SCARB1: variants seen among roughly 807,000 people sequenced by gnomAD.
SCARB1 encodes the protein scavenger receptor class B member 1.
Under a neutral mutation model 57.2 loss-of-function variants are expected in SCARB1, and 30 were observed. That is an observed-to-expected ratio of 0.52 (90% CI 0.39 to 0.71). SCARB1 has a LOEUF of 0.71. SCARB1 is among the 30% of genes least tolerant of loss of function. SCARB1 has a pLI of 0.00. For missense variants in SCARB1, 543 were observed against 671.2 expected (o/e 0.81, Z 2.11); for synonymous variants, 249 against 268.3 (o/e 0.93, Z 0.70).
intron 1 of SCARB1, among the ~76,000 whole-genome samples, chr12:124,849,898 T>A (rs937664234): frequency 1.5e-5 from 1 of 64,526 alleles, no homozygotes; most frequent in Non-Finnish European, 3.7e-5. Flanking sequence ...CCCCTGTCTC[T>A]ACAAAAAATC....
Position 124,863,783 on chromosome 12 carries a change from G to T in SCARB1, c.-63C>A. 2 of 1,389,068 alleles carry T rather than the reference G, an allele frequency of 1.4e-6. No homozygotes were observed. Among genetic ancestry groups the T allele is most frequent in the South Asian group, 3.3e-5 (2 of 60,136 alleles). 86.0% of individuals were successfully genotyped at this position (1,389,068 alleles called of 1,614,324 possible). The stretch of plus-strand genomic sequence containing the variant: ...TCCGCGCCTGGCAGGAGACGGGGAC[G>T]GCGACAGAGACGACACAGGCGGGGA... On this transcript the variant is annotated 5_prime_UTR_variant, in exon 1 of 13. Coordinates refer to ENST00000261693, the MANE Select transcript of SCARB1 (RefSeq NM_005505.5).
At position 124,810,377 on chromosome 12, in the gene SCARB1, G is replaced by A. The variant is rs1950478448; in HGVS notation, c.727-88C>T. 5.6e-6 allele frequency: 5 copies of A among 899,762 alleles called. No individual in the cohort carries two copies. The highest frequency in any genetic ancestry group is 9.3e-6 in the Non-Finnish European group (5 of 539,498). 55.7% of individuals were successfully genotyped at this position (899,762 alleles called of 1,614,324 possible). On this transcript the variant is annotated intron_variant, in intron 5 of 12. Coordinates refer to ENST00000261693, the MANE Select transcript of SCARB1 (RefSeq NM_005505.5). The surrounding 1 kb of genome is among the most constrained non-coding windows in gnomAD (Gnocchi z 4.0). Reference sequence around the variant, plus strand: ...AGGTGCTGCACACCTAACTCACCCTGGTGCACGCACGGCCACTCAATTCCC... The same window carrying A: ...AGGTGCTGCACACCTAACTCACCCTAGTGCACGCACGGCCACTCAATTCCC...
chr12:124,846,110 A>G (rs971210398), intron 1 of SCARB1, among the ~76,000 whole-genome samples: 4 of 152,248 alleles, frequency 2.6e-5, no homozygotes, highest in East Asian at 3.8e-4. Context: ...GGAGCTGCAA[A>G]GAGTGGAGAA....
chr12:124,825,318 C>T (rs1296505912), intron 1 of SCARB1, among the ~76,000 whole-genome samples: 1 of 151,954 alleles, frequency 6.6e-6, no homozygotes, highest in Non-Finnish European at 1.5e-5. Context: ...GAAAACTCTG[C>T]CCTAGAAAGA....
chr12:124,850,432 G>A (rs1952348299), intron 1 of SCARB1, among the ~76,000 whole-genome samples: 1 of 151,602 alleles, frequency 6.6e-6, no homozygotes, highest in Non-Finnish European at 1.5e-5. Context: ...AGCACTTTGG[G>A]AGGTCGAGGT....
Position 124,862,873 on chromosome 12 carries a change from CAA to C in SCARB1, c.126+720_126+721del, listed in dbSNP as rs1952957481. Among the ~76,000 whole-genome samples the C allele has an allele frequency of 4.6e-5, 7 of 152,312 alleles. No individual in the cohort carries two copies. In the South Asian group the frequency reaches 1.5e-3, roughly 32 times the overall value. On this transcript the variant is annotated intron_variant, in intron 1 of 12. Coordinates refer to ENST00000261693, the MANE Select transcript of SCARB1 (RefSeq NM_005505.5). The stretch of plus-strand genomic sequence containing the variant: ...CCCTGGTTGAAAGGGCAATGGTATG[CAA>C]AGTTAGGATCAGAGGAAAGACCTAA...
intron 1 of SCARB1, among the ~76,000 whole-genome samples, chr12:124,834,527 T>G (rs1566225511): frequency 6.6e-6 from 1 of 152,314 alleles, no homozygotes; most frequent in South Asian, 2.1e-4. Context: ...GGTGTGAGCA[T>G]AGTACTGTGG....
chr12:124,847,346 T>G (rs1255283956), intron 1 of SCARB1, among the ~76,000 whole-genome samples: 1 of 152,190 alleles, frequency 6.6e-6, no homozygotes, highest in East Asian at 1.9e-4. Flanking sequence ...TAAGGCCAGT[T>G]TGACCTCCAC....
At chr12:124,851,477 AATGAC>A (rs1214388762) in intron 1 of SCARB1, among the ~76,000 whole-genome samples, 1 of 151,994 alleles carries the variant, frequency 6.6e-6, no homozygotes, top group Non-Finnish European at 1.5e-5. Context: ...ATTTTGCATG[AATGAC>A]ATGCTTATGG....
At chr12:124,816,100 G>A (rs1950705008) in intron 2 of SCARB1, among the ~76,000 whole-genome samples, 1 of 152,138 alleles carries the variant, frequency 6.6e-6, no homozygotes, top group South Asian at 2.1e-4. Context: ...CCCACCATGC[G>A]GGTCCAGTGA....
chr12:124,793,342 G>A (rs1431141375), intron 9 of SCARB1, among the ~76,000 whole-genome samples: 3 of 152,146 alleles, frequency 2.0e-5, no homozygotes, highest in Admixed American at 2.0e-4. Context: ...AACGTGTAAT[G>A]TTATAGCAAG....
At chr12:124,793,483 G>A (rs958814275) in intron 9 of SCARB1, among the ~76,000 whole-genome samples, 2 of 151,860 alleles carry the variant, frequency 1.3e-5, no homozygotes, top group African/African-American at 4.8e-5. Flanking sequence ...CACGAGGTCA[G>A]GAGATCGAGA....
At chr12:124,827,063 C>T (rs1345324662) in intron 1 of SCARB1, among the ~76,000 whole-genome samples, 2 of 152,178 alleles carry the variant, frequency 1.3e-5, no homozygotes, top group Non-Finnish European at 2.9e-5. Flanking sequence ...AGCCCCTCTG[C>T]CTGGTCTGGC....
At chr12:124,856,714 G>A (rs1339968927) in intron 1 of SCARB1, among the ~76,000 whole-genome samples, 2 of 152,316 alleles carry the variant, frequency 1.3e-5, no homozygotes, top group East Asian at 1.9e-4. Context: ...TACAGGAAAC[G>A]CCCGGTAGGT....
Position 124,789,774 on chromosome 12 carries a change from A to C in SCARB1, c.1203-2317T>G, listed in dbSNP as rs1391893318. Among the ~76,000 whole-genome samples the C allele has an allele frequency of 2.6e-5, 4 of 152,222 alleles. No homozygotes were observed. The highest frequency in any genetic ancestry group is 9.7e-5 in the African/African-American group (4 of 41,450). ...ACGCCTGTAATCCCAGCACTTTGGG[A>C]GGCCGAGGCAGGTGGATCACAAGGT... On this transcript the variant is annotated intron_variant, in intron 9 of 12. Transcript: ENST00000261693. The surrounding 1 kb of genome is among the most constrained non-coding windows in gnomAD (Gnocchi z 4.4).
intron 2 of SCARB1, among the ~76,000 whole-genome samples, chr12:124,816,099 C>G (rs762128167): frequency 1.3e-5 from 2 of 152,186 alleles, no homozygotes; most frequent in Non-Finnish European, 2.9e-5. Flanking sequence ...TCCCACCATG[C>G]GGGTCCAGTG....
rs1950975902 is a variant in SCARB1 at position 124,822,128 on chromosome 12, C to T, written c.127-4421G>A. 6.6e-6 allele frequency among the ~76,000 whole-genome samples: 1 copy of T among 152,102 alleles called. No individual in the cohort carries two copies. ...GAATTTTAAAATAAGCTGGGCTTTG[C>T]TAGGAAAAGAAGATGGTGGAGGAGT... is the stretch of plus-strand genomic sequence containing the variant. On this transcript the variant is annotated intron_variant, in intron 1 of 12. Coordinates refer to ENST00000261693, the MANE Select transcript of SCARB1 (RefSeq NM_005505.5). This position sits in a 1 kb window ranked among gnomAD's most constrained non-coding sequence, Gnocchi z 5.0.
intron 1 of SCARB1, among the ~76,000 whole-genome samples, chr12:124,833,642 C>T (rs1030505935): frequency 2.0e-5 from 3 of 152,154 alleles, no homozygotes; most frequent in Non-Finnish European, 4.4e-5. Context: ...CCCACACAGC[C>T]CCCTCCACCC....
intron 1 of SCARB1, among the ~76,000 whole-genome samples, chr12:124,836,376 C>G (rs1012066514): frequency 1.3e-5 from 2 of 152,222 alleles, no homozygotes; most frequent in Non-Finnish European, 2.9e-5. Context: ...CTGGAAACCA[C>G]CACCTCCCAT....
Sources: allele counts gnomAD v4.1 joint callset (sites outside exome capture counted in the v4.1 genomes callset), GRCh38; gene constraint gnomAD v4.1.1; non-coding constraint Gnocchi (gnomAD v3.1); transcripts MANE v1.5; gene names NCBI Gene and HGNC (gene_info 2026-07-23, HGNC 2026-07-21).